The following ADAM18 variants were observed in gnomAD, a reference collection of about 807,000 sequenced individuals.
ADAM18 encodes ADAM metallopeptidase domain 18, also known as disintegrin and metalloproteinase domain-containing protein 18.
In ADAM18, 117 loss-of-function variants were observed where a neutral mutation model predicts 94.4. The observed-to-expected ratio is 1.24, with a 90% CI of 1.07 to 1.45. The LOEUF is 1.45. Ranked by LOEUF, ADAM18 falls within the 40% of genes most tolerant of loss-of-function variation. The probability of loss-of-function intolerance (pLI) is 0.00; values close to 1 mark genes in which losing one functional copy is unlikely to be tolerated. For synonymous variants in ADAM18, 327 were observed against 291.6 expected (o/e 1.12, Z -1.24); for missense variants, 936 against 880.0 (o/e 1.06, Z -0.81).
At chr8:39,609,969 G>A (rs948034887) in intron 5 of ADAM18, among the ~76,000 whole-genome samples, 12 of 152,084 alleles carry the variant, frequency 7.9e-5, no homozygotes, top group African/African-American at 2.2e-4. Context: ...ATAAAGGATA[G>A]GGATAAGTGA....
intron 14 of ADAM18, among the ~76,000 whole-genome samples, chr8:39,671,730 C>T (rs1286270034): frequency 6.6e-6 from 1 of 152,170 alleles, no homozygotes; most frequent in Non-Finnish European, 1.5e-5. Flanking sequence ...AGTGTATTCT[C>T]ATCAGTATCT....
At chr8:39,678,507 G>A (rs550326872) in intron 15 of ADAM18, among the ~76,000 whole-genome samples, 1 of 152,206 alleles carries the variant, frequency 6.6e-6, no homozygotes, top group Non-Finnish European at 1.5e-5. Context: ...AAGTACTGAT[G>A]AGTGGGGATC....
intron 11 of ADAM18, 134 bp from the exon 12 acceptor site, chr8:39,648,210 C>T: frequency 7.2e-6 from 4 of 559,356 alleles, no homozygotes; most frequent in South Asian, 9.2e-5. Context: ...TTTAATTATC[C>T]TTGGTTGAAT....
intron 10 of ADAM18, among the ~76,000 whole-genome samples, 187 bp from the exon 11 acceptor site, chr8:39,645,151 A>G (rs892462703): frequency 1.3e-5 from 2 of 152,208 alleles, no homozygotes; most frequent in Non-Finnish European, 2.9e-5. Flanking sequence ...TAGTTTGATT[A>G]CTTGTTTCAT....
chr8:39,624,716 C>T (rs1819714154), intron 6 of ADAM18, among the ~76,000 whole-genome samples: 1 of 152,190 alleles, frequency 6.6e-6, no homozygotes, highest in Non-Finnish European at 1.5e-5. Context: ...GGTGGTTTCT[C>T]ATGGCTTAAC....
chr8:39,637,918 T>C (rs961155206), intron 9 of ADAM18, among the ~76,000 whole-genome samples: 1 of 151,992 alleles, frequency 6.6e-6, no homozygotes, highest in South Asian at 2.1e-4. Context: ...GTAAGTATTA[T>C]TTCAAAAACC....
chr8:39,604,262 T>C (rs1052346451), intron 2 of ADAM18, among the ~76,000 whole-genome samples: 3 of 152,202 alleles, frequency 2.0e-5, no homozygotes, highest in Non-Finnish European at 4.4e-5. Flanking sequence ...CTTCGGACCA[T>C]ACTAGGCATT....
intron 16 of ADAM18, among the ~76,000 whole-genome samples, chr8:39,690,370 C>T (rs1821739193): frequency 6.6e-6 from 1 of 151,954 alleles, no homozygotes; most frequent in African/African-American, 2.4e-5. Context: ...AGTAGGGGTG[C>T]TCTGTTGGAG....
rs1019890113 is a variant in ADAM18, at chr8:39,591,968, G to A, written c.132+6616G>A. Among the ~76,000 whole-genome samples the A allele has an allele frequency of 4.6e-5, 7 of 152,162 alleles. No individual in the cohort carries two copies. In the East Asian group the frequency reaches 1.3e-3, roughly 29 times the overall value. ...TGCACATCTCCGTTAGAGCTCCTAG[G>A]TGACCAGGTACATTGTCAATGAGCA... On this transcript the variant is annotated intron_variant, in intron 2 of 19. Transcript: ENST00000265707.
intron 6 of ADAM18, among the ~76,000 whole-genome samples, chr8:39,628,734 T>C (rs1819844597): frequency 6.6e-6 from 1 of 152,026 alleles, no homozygotes; most frequent in African/African-American, 2.4e-5. Context: ...TGTAAAATTA[T>C]CAATAAAGTG....
chr8:39,645,320 T>C lies in ADAM18; in HGVS notation c.910-18T>C, dbSNP rs1400900998. The C allele has an allele frequency of 1.3e-5, 20 of 1,581,220 alleles. No homozygotes were observed. Among genetic ancestry groups the C allele is most frequent in the Non-Finnish European group, 1.7e-5 (20 of 1,165,400 alleles). The stretch of plus-strand genomic sequence containing the variant: ...TTTTCACACATAATAATTTTCTTTT[T>C]CATGTCTTTTATTTTAGTATCCAGA... On this transcript the variant is annotated intron_variant, in intron 10 of 19. Transcript: ENST00000265707.
At chr8:39,682,462 C>T (rs533129713) in intron 16 of ADAM18, among the ~76,000 whole-genome samples, 17 of 152,146 alleles carry the variant, frequency 1.1e-4, no homozygotes, top group Admixed American at 4.6e-4. Flanking sequence ...ATATGTGCTA[C>T]CTTTCCTGAA....
intron 19 of ADAM18, among the ~76,000 whole-genome samples, chr8:39,724,485 A>C (rs1233320706): frequency 6.6e-6 from 1 of 151,326 alleles, no homozygotes; most frequent in Non-Finnish European, 1.5e-5. Context: ...AGGTTTGTTA[A>C]TTTTGCTGAT....
chr8:39,684,113 C>T (rs764288782), intron 16 of ADAM18, among the ~76,000 whole-genome samples: 41 of 151,944 alleles, frequency 2.7e-4, no homozygotes, highest in Middle Eastern at 3.4e-3. Context: ...GTCTGGTCAA[C>T]AAAGCAAGAC....
chr8:39,632,934 A>C (rs1343574334), intron 7 of ADAM18, among the ~76,000 whole-genome samples: 1 of 152,186 alleles, frequency 6.6e-6, no homozygotes, highest in Admixed American at 6.6e-5. Flanking sequence ...TCATGTATTG[A>C]AACATAATGG....
At chr8:39,672,694 T>C (rs532566581) in intron 14 of ADAM18, among the ~76,000 whole-genome samples, 2 of 152,296 alleles carry the variant, frequency 1.3e-5, no homozygotes, top group Admixed American at 1.3e-4. Context: ...AAAATCCCCA[T>C]AACACCTTGT....
chr8:39,729,521 G>A (rs1021682732), intron 19 of ADAM18, among the ~76,000 whole-genome samples: 14 of 151,988 alleles, frequency 9.2e-5, no homozygotes, highest in African/African-American at 3.4e-4. Context: ...TAAGCTGTAG[G>A]TTTTTCTAAG....
In ADAM18 at chr8:39,640,702, C is replaced by A. The variant is rs571860157; in HGVS notation, c.909+2156C>A. 2.6e-5 allele frequency among the ~76,000 whole-genome samples: 4 copies of A among 152,152 alleles called. No individual in the cohort carries two copies. The South Asian group carries it at 8.3e-4, about 32-fold the overall frequency. ...CTCGCCAGCATCTGTTGTTTATTGA[C>A]TTTTTAATAATAGCAATTCTGACTG... On this transcript the variant is annotated intron_variant, in intron 10 of 19. Transcript: ENST00000265707.
chr8:39,660,622 G>A (rs1820809370), intron 12 of ADAM18, among the ~76,000 whole-genome samples: 1 of 152,096 alleles, frequency 6.6e-6, no homozygotes. Flanking sequence ...AGGAGAAATA[G>A]ATGGCAATAC....
Sources: allele counts gnomAD v4.1 joint callset (sites outside exome capture counted in the v4.1 genomes callset), GRCh38; gene constraint gnomAD v4.1.1; transcripts MANE v1.5; gene names NCBI Gene and HGNC (gene_info 2026-07-23, HGNC 2026-07-21).